Variants in DAB1 observed in about 807,000 individuals in gnomAD.
DAB1 encodes DAB adaptor protein 1, also known as disabled homolog 1.
In DAB1, 15 loss-of-function variants were observed where a neutral mutation model predicts 64.6. That is an observed-to-expected ratio of 0.23 (90% CI 0.16 to 0.36). The LOEUF (loss-of-function observed/expected upper bound fraction) is 0.36. Ranked by LOEUF, DAB1 falls within the 10% of genes least tolerant of loss-of-function variation. DAB1 has a pLI of 1.00. For synonymous variants in DAB1, 235 were observed against 251.9 expected (o/e 0.93, Z 0.64); for missense variants, 596 against 706.7 (o/e 0.84, Z 1.78).
chr1:58,241,408 C>T (rs747113638), intron 4 of DAB1, among the ~76,000 whole-genome samples: 4 of 151,902 alleles, frequency 2.6e-5, no homozygotes, highest in Non-Finnish European at 4.4e-5. Flanking sequence ...TTATTCTGTA[C>T]CTAAACCCCT....
At chr1:57,435,914 TTC>T (rs1685678513) in intron 7 of DAB1, among the ~76,000 whole-genome samples, 1 of 150,768 alleles carries the variant, frequency 6.6e-6, no homozygotes, top group East Asian at 1.9e-4. Context: ...TTTTTTTTCT[TTC>T]TTTTTTTTTT....
chr1:57,959,543 T>C (rs1557579384), intron 5 of DAB1, among the ~76,000 whole-genome samples: 2 of 152,214 alleles, frequency 1.3e-5, no homozygotes, highest in Non-Finnish European at 2.9e-5. Context: ...GAGAGGGATG[T>C]AAATTGGTAG....
At chr1:57,844,934 T>C (rs1460774502) in intron 1 of DAB1, among the ~76,000 whole-genome samples, 1 of 152,148 alleles carries the variant, frequency 6.6e-6, no homozygotes, top group Non-Finnish European at 1.5e-5. Context: ...CTTCCCACTA[T>C]TGACAGCCTT....
chr1:57,651,861 A>C (rs1299488582), intron 6 of DAB1, among the ~76,000 whole-genome samples: 1 of 152,214 alleles, frequency 6.6e-6, no homozygotes, highest in East Asian at 1.9e-4. Context: ...CTTTGCAAAA[A>C]TCATATCAGT....
At chr1:58,007,070 A>T (rs543505646) in intron 5 of DAB1, among the ~76,000 whole-genome samples, 4 of 152,280 alleles carry the variant, frequency 2.6e-5, no homozygotes, top group South Asian at 2.1e-4. Context: ...ATGCACCCCC[A>T]TGAAAAATGT....
chr1:57,848,641 A>G (rs909170445), intron 1 of DAB1, among the ~76,000 whole-genome samples: 5 of 152,186 alleles, frequency 3.3e-5, no homozygotes, highest in Non-Finnish European at 5.9e-5. Flanking sequence ...GCAATGACTC[A>G]AACACAAGCA....
intron 3 of DAB1, among the ~76,000 whole-genome samples, chr1:58,346,321 C>T (rs1412428009): frequency 6.6e-6 from 1 of 152,186 alleles, no homozygotes; most frequent in African/African-American, 2.4e-5. Context: ...CTGTCCTCTG[C>T]CTAGGGTCCT....
chr1:58,167,901 C>T (rs1570439682), intron 4 of DAB1, among the ~76,000 whole-genome samples: 1 of 152,220 alleles, frequency 6.6e-6, no homozygotes, highest in South Asian at 2.1e-4. Context: ...GACACACCAA[C>T]TTTAAGAACT....
intron 4 of DAB1, among the ~76,000 whole-genome samples, chr1:57,085,818 C>T (rs1334280411): frequency 5.3e-5 from 8 of 152,112 alleles, no homozygotes; most frequent in East Asian, 1.9e-4. Context: ...TAATGATTCA[C>T]GGAGTGAATA....
At chr1:57,712,167 G>A (rs1438101560) in intron 6 of DAB1, among the ~76,000 whole-genome samples, 1 of 152,104 alleles carries the variant, frequency 6.6e-6, no homozygotes, top group African/African-American at 2.4e-5. Context: ...TAAGTGACAT[G>A]TTATTACTTC....
At chr1:57,961,677 A>T (rs548180342) in intron 5 of DAB1, among the ~76,000 whole-genome samples, 1 of 152,312 alleles carries the variant, frequency 6.6e-6, no homozygotes, top group East Asian at 1.9e-4. Context: ...CTTCACTTAA[A>T]GCTTAGTTCG....
At chr1:58,446,264 C>T (rs1267244215) in intron 3 of DAB1, among the ~76,000 whole-genome samples, 1 of 152,162 alleles carries the variant, frequency 6.6e-6, no homozygotes, top group Non-Finnish European at 1.5e-5. Flanking sequence ...TTACGTTACA[C>T]AAAGGAGTCT....
intron 7 of DAB1, among the ~76,000 whole-genome samples, chr1:57,479,413 T>C (rs1441615041): frequency 2.0e-5 from 3 of 149,994 alleles, no homozygotes; most frequent in Non-Finnish European, 4.4e-5. Context: ...GTTTCATGTT[T>C]TAATTTGAAA....
At chr1:57,507,094 C>T (rs981567889) in intron 7 of DAB1, among the ~76,000 whole-genome samples, 6 of 152,140 alleles carry the variant, frequency 3.9e-5, no homozygotes, top group African/African-American at 1.4e-4. Flanking sequence ...TGCTAAAAAA[C>T]GTAATGGCTC....
chr1:58,056,063 T>C, intron 5 of DAB1: 1 of 887,916 alleles, frequency 1.1e-6, no homozygotes, highest in South Asian at 1.4e-5. Context: ...TTTTTTTTTT[T>C]TTAAGTACAA....
At chr1:58,167,837 C>T (rs936801468) in intron 4 of DAB1, among the ~76,000 whole-genome samples, 7 of 152,114 alleles carry the variant, frequency 4.6e-5, no homozygotes, top group South Asian at 2.1e-4. Context: ...ACCATGAACC[C>T]GCCAGAAGGA....
chr1:57,310,012 C>T (rs1674537019), intron 1 of DAB1, among the ~76,000 whole-genome samples: 3 of 152,230 alleles, frequency 2.0e-5, no homozygotes, highest in African/African-American at 7.2e-5. Flanking sequence ...CGTTTATTTA[C>T]TCTTTCAATC....
intron 2 of DAB1, among the ~76,000 whole-genome samples, chr1:57,184,244 T>C (rs1285500542): frequency 6.6e-6 from 1 of 152,192 alleles, no homozygotes; most frequent in Non-Finnish European, 1.5e-5. Flanking sequence ...CACAGGTGTT[T>C]CAGGCCAGAG....
intron 6 of DAB1, among the ~76,000 whole-genome samples, chr1:57,747,361 G>T (rs1253639602): frequency 2.0e-5 from 3 of 152,042 alleles, no homozygotes; most frequent in African/African-American, 7.3e-5. Context: ...TACCTGAGGG[G>T]TACTTAGGAC....
Sources: gnomAD v4.1 joint callset for allele counts (sites outside exome capture counted in the v4.1 genomes callset) on GRCh38, gnomAD v4.1.1 for gene constraint, MANE v1.5 for transcripts, NCBI Gene and HGNC (gene_info 2026-07-23, HGNC 2026-07-21) for gene names.